HSD17B12: variants seen among roughly 807,000 people sequenced by gnomAD.
The protein encoded by HSD17B12 is hydroxysteroid 17-beta dehydrogenase 12.
In HSD17B12, 32 loss-of-function variants were observed where a neutral mutation model predicts 39.3. That is an observed-to-expected ratio of 0.81 (90% CI 0.61 to 1.09). HSD17B12 has a LOEUF of 1.09. Ranked by LOEUF, HSD17B12 falls within the 50% of genes least tolerant of loss-of-function variation. The pLI, the probability that HSD17B12 is intolerant of heterozygous loss-of-function variation, is 0.00. For missense variants in HSD17B12, 342 were observed against 382.9 expected, an observed-to-expected ratio of 0.89 and a Z score of 0.89; for synonymous variants, 150 against 146.7, an observed-to-expected ratio of 1.02 and a Z score of -0.16.
At chr11:43,561,273 C>A in the HSD17B12 span, among the ~76,000 whole-genome samples, 1 of 152,212 alleles carries the variant, frequency 6.6e-6, no homozygotes, top group African/African-American at 2.4e-5. Context: ...CTCACAACTG[C>A]TCTGAGGTCT....
At chr11:43,588,371 C>T in the HSD17B12 span, among the ~76,000 whole-genome samples, 1 of 152,118 alleles carries the variant, frequency 6.6e-6, no homozygotes, top group South Asian at 2.1e-4. Context: ...TGTGGGAGGA[C>T]AGGATGAAGT....
intron 3 of HSD17B12, among the ~76,000 whole-genome samples, chr11:43,760,313 G>A (rs1204481056): frequency 6.6e-6 from 1 of 152,158 alleles, no homozygotes; most frequent in East Asian, 1.9e-4. Context: ...GCCCCCCAAA[G>A]TGCTGGGCTT....
intron 6 of HSD17B12, among the ~76,000 whole-genome samples, chr11:43,822,338 AT>A (rs944293173): frequency 7.9e-5 from 12 of 151,942 alleles, no homozygotes; most frequent in East Asian, 3.9e-4. Flanking sequence ...GAGATTTAAT[AT>A]TTTTTTATTA....
In HSD17B12 at chr11:43,850,934, G is replaced by A. The variant is rs138731317; in HGVS notation, c.685-3781G>A. On this transcript the variant is annotated intron_variant, in intron 9 of 10. Coordinates refer to ENST00000278353, the MANE Select transcript of HSD17B12 (RefSeq NM_016142.3). ...AAATTAGCCGGGCGTGGTGGCAGGC[G>A]CCTGTAATCGCAGCTACTCAGGAGG... is the stretch of plus-strand genomic sequence containing the variant. Among the ~76,000 whole-genome samples the A allele has an allele frequency of 7.2e-3, 1,096 of 152,228 alleles. 10 individuals are homozygous for A. The highest frequency in any genetic ancestry group is 0.025 in the African/African-American group (1,030 of 41,528).
At chr11:43,739,701 T>TC (rs11414434) in intron 1 of HSD17B12, among the ~76,000 whole-genome samples, 117,051 of 152,132 alleles carry the variant, frequency 0.77, 45,432 homozygotes, top group East Asian at 0.86. Flanking sequence ...CCATTAAGTT[T>TC]AACACCTGAC....
At chr11:43,637,898 T>C in the HSD17B12 span, among the ~76,000 whole-genome samples, 1 of 152,184 alleles carries the variant, frequency 6.6e-6, no homozygotes, top group Non-Finnish European at 1.5e-5. Context: ...GTGGTTAACA[T>C]TAGGCAAGCC....
chr11:43,765,142 G>T lies in HSD17B12; in HGVS notation c.283+11021G>T, dbSNP rs966793614. 1.7e-4 allele frequency among the ~76,000 whole-genome samples: 25 copies of T among 151,252 alleles called. No individual in the cohort carries two copies. In the East Asian group the frequency reaches 4.5e-3, roughly 27 times the overall value. ...ATGCTCTTCATTCTTTTATGTAAAT[G>T]ATTTCAATCAGGAATCTTTTATTTC... On this transcript the variant is annotated intron_variant, in intron 3 of 10. Transcript: ENST00000278353.
chr11:43,792,520 C>T (rs1261430605), intron 3 of HSD17B12, among the ~76,000 whole-genome samples: 1 of 152,010 alleles, frequency 6.6e-6, no homozygotes, highest in Non-Finnish European at 1.5e-5. Flanking sequence ...ATATCCTCAA[C>T]CTTCATATAT....
At chr11:43,735,464 G>A (rs915342623) in intron 1 of HSD17B12, among the ~76,000 whole-genome samples, 4 of 152,180 alleles carry the variant, frequency 2.6e-5, no homozygotes, top group Admixed American at 2.0e-4. Context: ...GGTCAACCTA[G>A]TGTGTCACTG....
intron 1 of HSD17B12, among the ~76,000 whole-genome samples, chr11:43,736,566 CTT>C: frequency 6.6e-6 from 1 of 152,280 alleles, no homozygotes; most frequent in East Asian, 1.9e-4. Flanking sequence ...AAGATGTGTG[CTT>C]CCTCATACCA....
intron 1 of HSD17B12, among the ~76,000 whole-genome samples, chr11:43,715,147 A>G (rs1950109197): frequency 6.6e-6 from 1 of 152,122 alleles, no homozygotes; most frequent in African/African-American, 2.4e-5. Context: ...CCTCGCCAGA[A>G]CTTCCAACAC....
chr11:43,786,105 G>A (rs1466857381), intron 3 of HSD17B12, among the ~76,000 whole-genome samples: 2 of 152,048 alleles, frequency 1.3e-5, no homozygotes, highest in African/African-American at 4.8e-5. Flanking sequence ...TTGATAATAT[G>A]CCTGCCAAAT....
intron 6 of HSD17B12, among the ~76,000 whole-genome samples, chr11:43,822,535 A>C (rs1590328829): frequency 6.6e-6 from 1 of 151,942 alleles, no homozygotes; most frequent in Non-Finnish European, 1.5e-5. Flanking sequence ...TCCTGTGTCC[A>C]AGTGTTGTCA....
chr11:43,651,304 T>C, the HSD17B12 span, among the ~76,000 whole-genome samples: 2 of 152,178 alleles, frequency 1.3e-5, no homozygotes, highest in African/African-American at 4.8e-5. Flanking sequence ...TCATCATACT[T>C]TCTGTGCTGG....
At chr11:43,732,213 T>C (rs915988365) in intron 1 of HSD17B12, among the ~76,000 whole-genome samples, 2 of 152,166 alleles carry the variant, frequency 1.3e-5, no homozygotes, top group African/African-American at 4.8e-5. Context: ...TGAAGAAGGA[T>C]GTGTTTGCGT....
At chr11:43,688,784 CAAAA>C (rs1401467500) in intron 1 of HSD17B12, among the ~76,000 whole-genome samples, 2 of 152,058 alleles carry the variant, frequency 1.3e-5, no homozygotes, top group Non-Finnish European at 2.9e-5. Flanking sequence ...TGACCTTAGG[CAAAA>C]ATAGTTAACC....
intron 3 of HSD17B12, among the ~76,000 whole-genome samples, chr11:43,791,804 T>A (rs1950870327): frequency 6.6e-6 from 1 of 152,184 alleles, no homozygotes; most frequent in African/African-American, 2.4e-5. Flanking sequence ...TTGCAAGTGG[T>A]TGTTCTAGTT....
At chr11:43,678,455 A>C (rs1038209983), upstream of HSD17B12, among the ~76,000 whole-genome samples, 4 of 152,102 alleles carry the variant, frequency 2.6e-5, no homozygotes, top group African/African-American at 9.7e-5. Flanking sequence ...CCATTTGTCA[A>C]TTTTGGCTTT....
At chr11:43,753,665 C>T (rs1000368792) in intron 2 of HSD17B12, among the ~76,000 whole-genome samples, 2 of 151,446 alleles carry the variant, frequency 1.3e-5, no homozygotes, top group Non-Finnish European at 2.9e-5. Context: ...TCTCCCACTT[C>T]GGCCTCCTGA....
Sources: gnomAD v4.1 joint callset for allele counts (sites outside exome capture counted in the v4.1 genomes callset) on GRCh38, gnomAD v4.1.1 for gene constraint, MANE v1.5 for transcripts, NCBI Gene and HGNC (gene_info 2026-07-23, HGNC 2026-07-21) for gene names.